ITSN2: variants seen among roughly 807,000 people sequenced by gnomAD.
ITSN2 encodes intersectin-2.
ITSN2 carries 156 observed loss-of-function variants against 243.7 expected under a neutral mutation model. The observed-to-expected ratio is 0.64, with a 90% CI of 0.56 to 0.73. ITSN2 has a LOEUF of 0.73. ITSN2 is among the 30% of genes least tolerant of loss of function. The probability of loss-of-function intolerance (pLI) is 0.00; values close to 1 mark genes in which losing one functional copy is unlikely to be tolerated. For missense variants in ITSN2, 1,801 were observed against 1,996.1 expected, an observed-to-expected ratio of 0.90 and a Z score of 1.86; for synonymous variants, 703 against 699.9, an observed-to-expected ratio of 1.00 and a Z score of -0.07.
intron 13 of ITSN2, among the ~76,000 whole-genome samples, chr2:24,296,253 G>C (rs1680947255): frequency 6.6e-6 from 1 of 152,236 alleles, no homozygotes; most frequent in Non-Finnish European, 1.5e-5. Flanking sequence ...GAACGTTTTG[G>C]CAACAGTTCT....
intron 31 of ITSN2, 21 bp from the exon 32 acceptor site, chr2:24,216,253 T>C: frequency 6.5e-7 from 1 of 1,547,668 alleles, no homozygotes; most frequent in Non-Finnish European, 8.7e-7. Context: ...CACACTCTCA[T>C]TTTGTGTTTC....
intron 15 of ITSN2, among the ~76,000 whole-genome samples, chr2:24,291,394 G>A (rs1020687584): frequency 6.6e-5 from 10 of 152,124 alleles, no homozygotes; most frequent in African/African-American, 2.4e-4. Flanking sequence ...ACCCTAAAGT[G>A]CTGGGATTAC....
intron 29 of ITSN2, chr2:24,241,269 TG>T (rs1199662053): frequency 6.6e-6 from 1 of 152,206 alleles, no homozygotes; most frequent in Non-Finnish European, 1.5e-5. Context: ...GACTTTAAAA[TG>T]GATTAAGATA....
chr2:24,354,364 A>T lies in ITSN2; in HGVS notation c.-34+5940T>A, dbSNP rs182598880. Among the ~76,000 whole-genome samples the T allele has an allele frequency of 7.4e-3, 1,134 of 152,352 alleles. 8 individuals carry two copies. The highest frequency in any genetic ancestry group is 0.026 in the African/African-American group (1,093 of 41,568). On this transcript the variant is annotated intron_variant, in intron 1 of 39. Coordinates refer to ENST00000355123, the MANE Select transcript of ITSN2 (RefSeq NM_006277.3). ...CCTACTTTTCAGCCTTCTTATATAG[A>T]TTATTCCGATGGTAAGATTAAAAAT... is the stretch of plus-strand genomic sequence containing the variant.
At chr2:24,248,027 C>T in intron 27 of ITSN2, among the ~76,000 whole-genome samples, 1 of 152,220 alleles carries the variant, frequency 6.6e-6, no homozygotes, top group East Asian at 1.9e-4. Context: ...AAAAATATAG[C>T]TATTATATCT....
rs78016396 is a variant in ITSN2 at position 24,281,449 on chromosome 2, T to C, written c.1944+3314A>G. 3.4e-3 allele frequency among the ~76,000 whole-genome samples: 515 copies of C among 152,344 alleles called. 2 individuals are homozygous for C. The highest frequency in any genetic ancestry group is 0.01 in the Middle Eastern group (3 of 294). Reference sequence around the variant, plus strand: ...TCTAGTTCATGTTTCAGAGCTCATCTTGATCATAGTGCTTTTGTCAAGATC... The same window carrying C: ...TCTAGTTCATGTTTCAGAGCTCATCCTGATCATAGTGCTTTTGTCAAGATC... On this transcript the variant is annotated intron_variant, in intron 17 of 39. Transcript: ENST00000355123.
chr2:24,321,190 T>C (rs1023550063), intron 2 of ITSN2, among the ~76,000 whole-genome samples: 3 of 152,202 alleles, frequency 2.0e-5, no homozygotes, highest in Non-Finnish European at 4.4e-5. Flanking sequence ...GATTAGCTTT[T>C]TGTTGTCCGC....
chr2:24,264,686 T>A, intron 20 of ITSN2, among the ~76,000 whole-genome samples: 1 of 148,138 alleles, frequency 6.8e-6, no homozygotes, highest in Admixed American at 6.9e-5. Flanking sequence ...CTGTCGAAAA[T>A]CTGTTGTTTA....
At chr2:24,231,093 CTA>C (rs1671548080) in intron 29 of ITSN2, among the ~76,000 whole-genome samples, 1 of 152,208 alleles carries the variant, frequency 6.6e-6, no homozygotes, top group African/African-American at 2.4e-5. Context: ...CCTGCCGTCA[CTA>C]TCTCAGAGAG....
At chr2:24,339,243 C>A (rs879279832) in intron 1 of ITSN2, among the ~76,000 whole-genome samples, 2 of 152,082 alleles carry the variant, frequency 1.3e-5, no homozygotes, top group African/African-American at 2.4e-5. Context: ...AATCCCAGCA[C>A]TTTAGGAGGC....
chr2:24,331,940 A>T (rs1326183403), intron 1 of ITSN2, among the ~76,000 whole-genome samples: 2 of 152,160 alleles, frequency 1.3e-5, no homozygotes, highest in African/African-American at 4.8e-5. Flanking sequence ...GGCTTTCAAG[A>T]AGGGAGTTTG....
At chr2:24,355,989 G>C (rs554112412) in intron 1 of ITSN2, among the ~76,000 whole-genome samples, 1 of 152,212 alleles carries the variant, frequency 6.6e-6, no homozygotes, top group African/African-American at 2.4e-5. Flanking sequence ...GATCACCTGA[G>C]GTCAGGAATT....
chr2:24,350,822 T>C (rs915966576), intron 1 of ITSN2, among the ~76,000 whole-genome samples: 1 of 152,292 alleles, frequency 6.6e-6, no homozygotes, highest in South Asian at 2.1e-4. Context: ...GAAAGTAGAC[T>C]AGTGGCTACC....
chr2:24,215,445 T>C (rs1455747702), intron 32 of ITSN2, among the ~76,000 whole-genome samples: 2 of 152,150 alleles, frequency 1.3e-5, no homozygotes, highest in African/African-American at 2.4e-5. Flanking sequence ...GGTGGGCCGA[T>C]CACCTGAGGT....
intron 15 of ITSN2, among the ~76,000 whole-genome samples, chr2:24,290,084 C>T (rs758422177): frequency 2.0e-5 from 3 of 152,078 alleles, no homozygotes; most frequent in Non-Finnish European, 2.9e-5. Context: ...TCACGTGGCT[C>T]GTAGATTTTT....
intron 21 of ITSN2, 59 bp from the exon 22 acceptor site, chr2:24,261,309 T>TA: frequency 1.6e-6 from 2 of 1,254,794 alleles, no homozygotes; most frequent in Non-Finnish European, 2.3e-6. Flanking sequence ...AATGAAGTAC[T>TA]ACCAATTTAT....
rs541160656 is a variant in ITSN2, at chr2:24,267,495, C to T, written c.2355+3176G>A. ...TACATACACACACACACATTTACCA[C>T]ATTTACTTACATGCCCTTCCTACTT... On this transcript the variant is annotated intron_variant, in intron 20 of 39. Coordinates refer to ENST00000355123, the MANE Select transcript of ITSN2 (RefSeq NM_006277.3). 2.0e-5 allele frequency among the ~76,000 whole-genome samples: 3 copies of T among 152,088 alleles called. No homozygotes were observed. In the East Asian group the frequency reaches 5.8e-4, roughly 29 times the overall value.
chr2:24,255,585 G>A (rs187943795), intron 23 of ITSN2, among the ~76,000 whole-genome samples: 12 of 152,286 alleles, frequency 7.9e-5, no homozygotes, highest in Non-Finnish European at 1.8e-4. Context: ...CTGAGATTGT[G>A]CCACTGCATT....
At chr2:24,309,371 G>A (rs974758529) in intron 7 of ITSN2, among the ~76,000 whole-genome samples, 1 of 151,968 alleles carries the variant, frequency 6.6e-6, no homozygotes, top group East Asian at 1.9e-4. Context: ...TTTTTTGTGC[G>A]CATTTTTAGT....
Sources: gnomAD v4.1 joint callset for allele counts (sites outside exome capture counted in the v4.1 genomes callset) on GRCh38, gnomAD v4.1.1 for gene constraint, MANE v1.5 for transcripts, NCBI Gene and HGNC (gene_info 2026-07-23, HGNC 2026-07-21) for gene names.